Variants in LRRC71 observed in about 807,000 individuals in gnomAD.
The protein encoded by LRRC71 is leucine-rich repeat-containing protein 71.
In LRRC71, 54 loss-of-function variants were observed where a neutral mutation model predicts 66.6. The observed-to-expected ratio is 0.81, with a 90% CI of 0.65 to 1.02. LRRC71 has a LOEUF of 1.02. LRRC71 is among the 50% of genes least tolerant of loss of function. The pLI is 0.00. For missense variants in LRRC71, 724 were observed against 718.0 expected, an observed-to-expected ratio of 1.01 and a Z score of -0.10; for synonymous variants, 323 against 303.9, an observed-to-expected ratio of 1.06 and a Z score of -0.65.
At chr1:156,928,363 C>CTCTTCTTCTTCCTCTTCTTCT (rs1653598560) in intron 9 of LRRC71, among the ~76,000 whole-genome samples, 2 of 98,784 alleles carry the variant, frequency 2.0e-5, no homozygotes, top group African/African-American at 5.3e-5. Flanking sequence ...CTTCTTCTTC[C>CTCTTCTTCTTCCTCTTCTTCT]TCTTCTTCTT....
chr1:156,924,241 T>TG, intron 2 of LRRC71, 143 bp downstream of exon 2: 3 of 1,230,646 alleles, frequency 2.4e-6, no homozygotes, highest in Middle Eastern at 5.5e-4. Flanking sequence ...GGTGGGGAGG[T>TG]GGGGGAGTCT....
intron 13 of LRRC71, 99 bp from the exon 14 acceptor site, chr1:156,932,325 T>G: frequency 1.0e-6 from 1 of 955,678 alleles, no homozygotes; most frequent in Admixed American, 2.1e-5. Context: ...GAGTCTGGAG[T>G]GGGGAGCTGG....
downstream of LRRC71, chr1:156,937,067 G>A (rs1159227950): frequency 2.6e-5 from 41 of 1,588,220 alleles, no homozygotes; most frequent in Non-Finnish European, 3.3e-5. Flanking sequence ...CCCTGGGGAA[G>A]GGGTCTGTGC....
At chr1:156,926,579 T>C (rs1653241050) in intron 5 of LRRC71, among the ~76,000 whole-genome samples, 1 of 129,090 alleles carries the variant, frequency 7.7e-6, no homozygotes, top group Non-Finnish European at 1.6e-5. Context: ...CCCCCACCTC[T>C]TCTTTTTTTT....
At chr1:156,925,120 C>T in intron 5 of LRRC71, 105 bp downstream of exon 5, 1 of 1,040,590 alleles carries the variant, frequency 9.6e-7, no homozygotes, top group Non-Finnish European at 1.4e-6. Flanking sequence ...TCCTGTGGGC[C>T]TGCCTGGCAT....
chr1:156,923,506 G>C (rs1652702741), intron 1 of LRRC71, among the ~76,000 whole-genome samples: 1 of 152,254 alleles, frequency 6.6e-6, no homozygotes, highest in African/African-American at 2.4e-5. Flanking sequence ...CTGCTCTTGG[G>C]TGTATGTGTA....
At chr1:156,935,046 G>C (rs1056425513), downstream of LRRC71, 2 of 151,954 alleles carry the variant, frequency 1.3e-5, no homozygotes, top group South Asian at 4.2e-4. Context: ...TGAGGACGTG[G>C]TGATGGGGCC....
chr1:156,921,693 C>T (rs979472165), intron 1 of LRRC71: 11 of 900,794 alleles, frequency 1.2e-5, no homozygotes, highest in South Asian at 5.1e-5. Flanking sequence ...CCTACAGGTA[C>T]GAAGCCAGTT....
the LRRC71 span, chr1:156,940,518 A>C: frequency 1.7e-6 from 2 of 1,147,054 alleles, no homozygotes; most frequent in South Asian, 3.4e-5. Context: ...GGGGCTGGGA[A>C]CACTGACTTA....
downstream of LRRC71, among the ~76,000 whole-genome samples, chr1:156,936,480 GAAAAAAAAA>G (rs35863393): frequency 2.1e-5 from 1 of 48,018 alleles, no homozygotes; most frequent in African/African-American, 1.2e-4. Flanking sequence ...CAAATAAATA[GAAAAAAAAA>G]AAAAAAAAAT....
At position 156,929,799 on chromosome 1, in the gene LRRC71, A is replaced by C. The variant is rs1571066524; in HGVS notation, c.1240+70A>C. 6 of 1,369,062 alleles carry C rather than the reference A, an allele frequency of 4.4e-6. No individual in the cohort carries two copies. In the East Asian group the frequency reaches 1.5e-4, roughly 34 times the overall value. 84.8% of individuals were successfully genotyped at this position (1,369,062 alleles called of 1,614,324 possible). A position where few individuals can be genotyped will look rare whatever the true frequency, so the allele number is the denominator to read the frequency against. Reference sequence around the variant, plus strand: ...GGAAGAGTGCCGGGCCGGGTGCAGGAAGCTGTTCTGGGCCTGGGTGCGCCT... The same window carrying C: ...GGAAGAGTGCCGGGCCGGGTGCAGGCAGCTGTTCTGGGCCTGGGTGCGCCT... On this transcript the variant is annotated intron_variant, in intron 11 of 14. Transcript: ENST00000337428.
chr1:156,927,414 C>T, intron 6 of LRRC71, 82 bp from the exon 7 acceptor site: 1 of 1,513,790 alleles, frequency 6.6e-7, no homozygotes, highest in Non-Finnish European at 8.9e-7. Flanking sequence ...AGACCGCCCC[C>T]TCAAGCGCTC....
intron 5 of LRRC71, among the ~76,000 whole-genome samples, chr1:156,926,803 T>C (rs1653278536): frequency 6.6e-6 from 1 of 152,166 alleles, no homozygotes; most frequent in Non-Finnish European, 1.5e-5. Flanking sequence ...CTCGAACTCC[T>C]GAGCTCAGGC....
chr1:156,937,528 G>A (rs1655723110), downstream of LRRC71: 2 of 1,504,936 alleles, frequency 1.3e-6, no homozygotes, highest in South Asian at 2.7e-5. Context: ...GAGATCAGGA[G>A]GCAAACAGAG....
chr1:156,936,871 C>A, downstream of LRRC71: 3 of 1,614,122 alleles, frequency 1.9e-6, no homozygotes, highest in East Asian at 2.2e-5. Context: ...AAGCTAGGGG[C>A]TCCTTAGCGG....
intron 14 of LRRC71, 138 bp from the exon 15 acceptor site, chr1:156,932,715 C>T (rs1247120098): frequency 6.5e-7 from 1 of 1,538,926 alleles, no homozygotes; most frequent in African/African-American, 1.4e-5. Flanking sequence ...GCTGGAAAAT[C>T]AGCAGTATTA....
intron 5 of LRRC71, among the ~76,000 whole-genome samples, chr1:156,926,259 G>A (rs1489597799): frequency 6.6e-6 from 1 of 152,188 alleles, no homozygotes; most frequent in Non-Finnish European, 1.5e-5. Flanking sequence ...AGATGACCTG[G>A]GGGTGGGCTA....
intron 1 of LRRC71, among the ~76,000 whole-genome samples, chr1:156,923,418 T>A (rs145029825): frequency 1.2e-4 from 19 of 152,340 alleles, no homozygotes; most frequent in African/African-American, 3.6e-4. Flanking sequence ...TCTAAAGCAT[T>A]TCAAACAGCA....
Position 156,929,390 on chromosome 1 carries a change from A to G in LRRC71, c.1107A>G (p.Lys369=). ...AGACAGACAAGACGCAGACAATGAA[A>G]ACCCCTAAGGGCCTGGGCAAGAAAA... The part of the protein sequence containing the change: ...VDKTDKTQTM[K]TPKGLGKKKE... Residue 369 remains lysine (K), a synonymous_variant, in exon 10 of 15, where the codon AAA becomes AAG. Transcript: ENST00000337428. 1 of 1,613,888 alleles carries G rather than the reference A, an allele frequency of 6.2e-7. No individual in the cohort carries two copies. The highest frequency in any genetic ancestry group is 8.5e-7 in the Non-Finnish European group (1 of 1,179,860).
Sources: allele counts gnomAD v4.1 joint callset (sites outside exome capture counted in the v4.1 genomes callset), GRCh38; gene constraint gnomAD v4.1.1; transcripts MANE v1.5; gene names NCBI Gene and HGNC (gene_info 2026-07-23, HGNC 2026-07-21).